Variants in ATXN1 observed in about 807,000 individuals in gnomAD.
ATXN1 encodes the protein ataxin-1.
A neutral mutation model predicts 56.4 loss-of-function variants in ATXN1; 8 were observed. The observed-to-expected ratio is 0.14, with a 90% confidence interval of 0.08 to 0.26. The LOEUF is 0.26. Among genes scored for constraint, ATXN1 ranks in the 10% least tolerant of loss-of-function variants. The pLI, the probability that ATXN1 is intolerant of heterozygous loss-of-function variation, is 1.00. For missense variants in ATXN1, 987 were observed against 1,106.5 expected (o/e 0.89, Z 1.53); for synonymous variants, 514 against 494.6 (o/e 1.04, Z -0.52).
At chr6:16,701,231 T>C (rs1759276698) in intron 2 of ATXN1, among the ~76,000 whole-genome samples, 1 of 152,250 alleles carries the variant, frequency 6.6e-6, no homozygotes, top group Non-Finnish European at 1.5e-5. Flanking sequence ...GAATTTTTTA[T>C]GACACATGTT....
chr6:16,566,979 T>C (rs1285520658), intron 4 of ATXN1, among the ~76,000 whole-genome samples: 1 of 152,246 alleles, frequency 6.6e-6, no homozygotes, highest in African/African-American at 2.4e-5. Context: ...TGGCATTCAA[T>C]GCTCAGTAAC....
At chr6:16,606,577 G>A (rs532901078) in intron 3 of ATXN1, among the ~76,000 whole-genome samples, 2 of 151,718 alleles carry the variant, frequency 1.3e-5, no homozygotes, top group Middle Eastern at 3.4e-3. Flanking sequence ...CGCCCAGGCT[G>A]GAGTCCGGTG....
intron 3 of ATXN1, among the ~76,000 whole-genome samples, chr6:16,626,262 T>C (rs897424175): frequency 1.3e-5 from 2 of 152,206 alleles, no homozygotes; most frequent in Non-Finnish European, 2.9e-5. Flanking sequence ...CAATATAATC[T>C]AGTTTAATAA....
intron 5 of ATXN1, among the ~76,000 whole-genome samples, chr6:16,520,989 TA>T (rs1761276280): frequency 1.3e-5 from 2 of 152,258 alleles, no homozygotes; most frequent in East Asian, 3.9e-4. Context: ...ACAAGTTGGA[TA>T]AAATAATAAA....
Position 16,326,278 on chromosome 6 carries a change from C to G in ATXN1, c.1917+116G>C. On this transcript the variant is annotated intron_variant, in intron 7 of 7. Transcript: ENST00000436367. This position sits in a 1 kb window ranked among gnomAD's most constrained non-coding sequence, Gnocchi z 6.6. ...AGTTGGGAAAGGCCGAGTCTAAGGT[C>G]TAGGTGTACCCGAGAACCCTTAATC... is the stretch of plus-strand genomic sequence containing the variant. The G allele has an allele frequency of 6.7e-7, 1 of 1,502,348 alleles. No homozygotes were observed. The highest frequency in any genetic ancestry group is 8.8e-7 in the Non-Finnish European group (1 of 1,130,784). The allele number at this position is 1,502,348 out of a possible 1,614,324, so 93.1% of individuals were successfully genotyped here.
chr6:16,659,831 C>G (rs1448753645), intron 2 of ATXN1, among the ~76,000 whole-genome samples: 1 of 152,104 alleles, frequency 6.6e-6, no homozygotes, highest in African/African-American at 2.4e-5. Context: ...AACTATCTTG[C>G]AGCAAAATCG....
chr6:16,321,481 C>T (rs1760650803), intron 7 of ATXN1, among the ~76,000 whole-genome samples: 1 of 152,216 alleles, frequency 6.6e-6, no homozygotes, highest in Non-Finnish European at 1.5e-5. Flanking sequence ...ATGGACAACA[C>T]CTGGCATTCC....
At chr6:16,603,441 A>G (rs1374185111) in intron 3 of ATXN1, among the ~76,000 whole-genome samples, 1 of 152,114 alleles carries the variant, frequency 6.6e-6, no homozygotes, top group African/African-American at 2.4e-5. Flanking sequence ...GGAGACCTCC[A>G]ACAGCCCAAC....
chr6:16,505,801 T>TA (rs1760973346), intron 5 of ATXN1, among the ~76,000 whole-genome samples: 1 of 152,190 alleles, frequency 6.6e-6, no homozygotes, highest in South Asian at 2.1e-4. Flanking sequence ...ACTGAGAACA[T>TA]AAACTACTAT....
In ATXN1 at chr6:16,653,546, T is replaced by C. The variant is rs1389619874; in HGVS notation, c.-489+4230A>G. Among the ~76,000 whole-genome samples the C allele has an allele frequency of 4.6e-5, 7 of 152,230 alleles. No homozygotes were observed. The South Asian group carries it at 8.3e-4, about 18-fold the overall frequency. On this transcript the variant is annotated intron_variant, in intron 3 of 7. Coordinates refer to ENST00000436367, the MANE Select transcript of ATXN1 (RefSeq NM_001128164.2). ...TTCTAGTTTAGCACAGTCCGGTTCC[T>C]ATCCTCAGATCTTTCTCCTAGCCTG...
intron 6 of ATXN1, among the ~76,000 whole-genome samples, chr6:16,339,298 G>C (rs1761191593): frequency 6.6e-6 from 1 of 152,166 alleles, no homozygotes. Flanking sequence ...CATCAAGTCA[G>C]GAAAAAGGTC....
intron 6 of ATXN1, among the ~76,000 whole-genome samples, chr6:16,471,205 C>CACAT (rs1760210382): frequency 6.6e-6 from 1 of 151,954 alleles, no homozygotes; most frequent in East Asian, 1.9e-4. Context: ...CACACACACA[C>CACAT]ACACACACAC....
At chr6:16,367,669 T>C (rs1429020614) in intron 6 of ATXN1, among the ~76,000 whole-genome samples, 1 of 152,170 alleles carries the variant, frequency 6.6e-6, no homozygotes, top group African/African-American at 2.4e-5. Flanking sequence ...GTAGACACAT[T>C]GCTGCCCAAC....
At position 16,710,907 on chromosome 6, in the gene ATXN1, A is replaced by G. The variant is rs768468544; in HGVS notation, c.-615+42326T>C. Among the ~76,000 whole-genome samples the G allele has an allele frequency of 3.6e-4, 54 of 151,742 alleles. 1 individual carries two copies. The highest frequency in any genetic ancestry group is 2.2e-4 in the Non-Finnish European group (15 of 67,972). The stretch of plus-strand genomic sequence containing the variant: ...CCAGCCTATTATTATTATTTTTAAT[A>G]GAGACACGGTCTCACTCTGCTGCCC... On this transcript the variant is annotated intron_variant, in intron 2 of 7. Coordinates refer to ENST00000436367, the MANE Select transcript of ATXN1 (RefSeq NM_001128164.2).
intron 6 of ATXN1, among the ~76,000 whole-genome samples, chr6:16,348,360 G>A (rs1470012905): frequency 9.2e-5 from 14 of 152,042 alleles, no homozygotes; most frequent in Admixed American, 6.6e-5. Context: ...CCACAGCACC[G>A]GGCCCATTCA....
intron 2 of ATXN1, among the ~76,000 whole-genome samples, chr6:16,708,095 AT>A (rs1759444958): frequency 3.9e-5 from 6 of 152,194 alleles, no homozygotes; most frequent in African/African-American, 1.4e-4. Flanking sequence ...ATACAATGAC[AT>A]TAAAACTAAA....
chr6:16,629,706 A>G (rs763557621), intron 3 of ATXN1, among the ~76,000 whole-genome samples: 26 of 152,200 alleles, frequency 1.7e-4, no homozygotes, highest in Non-Finnish European at 3.5e-4. Context: ...CCCTGAGGTC[A>G]GGAGTTCGAG....
intron 2 of ATXN1, among the ~76,000 whole-genome samples, chr6:16,668,729 CCT>C (rs1336465800): frequency 6.6e-6 from 1 of 151,994 alleles, no homozygotes. Context: ...ATTTCGTATA[CCT>C]CTGTTTTCAG....
intron 4 of ATXN1, among the ~76,000 whole-genome samples, chr6:16,544,693 C>T (rs1030835312): frequency 6.6e-6 from 1 of 152,150 alleles, no homozygotes; most frequent in Admixed American, 6.5e-5. Flanking sequence ...TGTAACCATG[C>T]AGATGTGAGC....
Sources: gnomAD v4.1 joint callset for allele counts (sites outside exome capture counted in the v4.1 genomes callset) on GRCh38, gnomAD v4.1.1 for gene constraint, Gnocchi (gnomAD v3.1) non-coding constraint, MANE v1.5 for transcripts, NCBI Gene and HGNC (gene_info 2026-07-23, HGNC 2026-07-21) for gene names.